TMEM94: variants seen among roughly 807,000 people sequenced by gnomAD.
The protein encoded by TMEM94 is ER Mg2+ ATPase.
TMEM94 carries 81 observed loss-of-function variants against 158.6 expected under a neutral mutation model. The observed-to-expected ratio is 0.51, with a 90% CI of 0.43 to 0.61. The LOEUF (loss-of-function observed/expected upper bound fraction) is 0.61, where lower values mean the gene tolerates loss of function less well. TMEM94 is among the 20% of genes least tolerant of loss of function. The probability of loss-of-function intolerance (pLI) is 0.00; values close to 1 mark genes in which losing one functional copy is unlikely to be tolerated. For missense variants in TMEM94, 1,435 were observed against 1,762.0 expected (o/e 0.81, Z 3.32); for synonymous variants, 751 against 730.7 (o/e 1.03, Z -0.45).
intron 2 of TMEM94, among the ~76,000 whole-genome samples, chr17:75,481,237 G>A (rs2051135031): frequency 6.6e-6 from 1 of 152,262 alleles, no homozygotes; most frequent in Non-Finnish European, 1.5e-5. Context: ...GCCAAAGGGA[G>A]GTGGGTGCGT....
In TMEM94 at chr17:75,492,712, T is replaced by G; in HGVS notation, c.1835T>G (p.Ile612Ser). The G allele has an allele frequency of 6.2e-7, 1 of 1,612,908 alleles. No individual in the cohort carries two copies. Among genetic ancestry groups the G allele is most frequent in the Non-Finnish European group, 8.5e-7 (1 of 1,179,976 alleles). ...CGATTCTCCGACCACCTGTGCAACA[T>G]CGCCCTGCAAGAGAGCCACAGCGCC... ...LCRFSDHLCN[I>S]ALQESHSAVL... The change falls in exon 15 of 32, where the codon ATC (isoleucine) becomes AGC (serine). Residue 612 changes from isoleucine (I) to serine (S), a missense_variant. By Grantham distance (142) the Ile-to-Ser change is moderately radical. Coordinates refer to ENST00000314256, the MANE Select transcript of TMEM94 (RefSeq NM_014738.6). The surrounding 1 kb of genome is among the most constrained non-coding windows in gnomAD (Gnocchi z 4.4).
In TMEM94 at chr17:75,491,003, G is replaced by C; in HGVS notation, c.1129-46G>C. 2 of 1,460,592 alleles carry C rather than the reference G, an allele frequency of 1.4e-6. No individual in the cohort carries two copies. The highest frequency in any genetic ancestry group is 2.5e-5 in the South Asian group (2 of 80,196). The allele number at this position is 1,460,592 out of a possible 1,614,324, so 90.5% of individuals were successfully genotyped here. On this transcript the variant is annotated intron_variant, in intron 11 of 31. Coordinates refer to ENST00000314256, the MANE Select transcript of TMEM94 (RefSeq NM_014738.6). The surrounding 1 kb of genome is among the most constrained non-coding windows in gnomAD (Gnocchi z 5.1). ...CCCTAGAGGCCGTCTCCAGGGAAATGAGGCTGAGCCCTAAATGGCCTTGCA... is the reference window on the plus strand; with the variant it reads ...CCCTAGAGGCCGTCTCCAGGGAAATCAGGCTGAGCCCTAAATGGCCTTGCA...
chr17:75,478,064 G>C (rs1212977197), intron 2 of TMEM94, among the ~76,000 whole-genome samples: 1 of 106,718 alleles, frequency 9.4e-6, no homozygotes, highest in East Asian at 2.7e-4. Flanking sequence ...CGCCCAGGCT[G>C]GAGTGCAGTG....
At chr17:75,469,261 C>A (rs1320733330) in intron 1 of TMEM94, among the ~76,000 whole-genome samples, 2 of 152,120 alleles carry the variant, frequency 1.3e-5, no homozygotes, top group Non-Finnish European at 2.9e-5. Context: ...TGGACATCCA[C>A]CCTGCTGCTG....
chr17:75,496,890 C>CT, intron 25 of TMEM94, 83 bp downstream of exon 25: 3 of 1,449,984 alleles, frequency 2.1e-6, no homozygotes, highest in Non-Finnish European at 2.9e-6. Flanking sequence ...AGGAAGGAGG[C>CT]TGGGGTTAGC....
rs1271658529 is a variant in TMEM94 at position 75,498,771 on chromosome 17, G to A, written c.3827+49G>A. 16 of 1,532,588 alleles carry A rather than the reference G, an allele frequency of 1.0e-5. No homozygotes were observed. Among genetic ancestry groups the A allele is most frequent in the African/African-American group, 1.4e-5 (1 of 72,436 alleles). 94.9% of individuals were successfully genotyped at this position (1,532,588 alleles called of 1,614,324 possible). A position where few individuals can be genotyped will look rare whatever the true frequency, so the allele number is the denominator to read the frequency against. On this transcript the variant is annotated intron_variant, in intron 30 of 31. Transcript: ENST00000314256. The surrounding 1 kb of genome is among the most constrained non-coding windows in gnomAD (Gnocchi z 6.7). Reference sequence around the variant, plus strand: ...CGGAGTGTGGGCTGGGGAGGAGAGGGCCTTCTGCAGGGCTAGGATCGGAGG... The same window carrying A: ...CGGAGTGTGGGCTGGGGAGGAGAGGACCTTCTGCAGGGCTAGGATCGGAGG...
At chr17:75,496,920 C>A in intron 25 of TMEM94, 113 bp downstream of exon 25, 1 of 1,224,170 alleles carries the variant, frequency 8.2e-7, no homozygotes. Context: ...AAGGGGTCCC[C>A]CCAGAGCCTC....
At position 75,492,465 on chromosome 17, in the gene TMEM94, T is replaced by G; in HGVS notation, c.1597-9T>G. ...CCCGGGCTGAGGCTCTCCTCCACAT[T>G]TCCCCCAGACCCAGCCTGGGATGGA... On this transcript the variant is annotated splice_polypyrimidine_tract_variant and intron_variant, in intron 14 of 31. Coordinates refer to ENST00000314256, the MANE Select transcript of TMEM94 (RefSeq NM_014738.6). The surrounding 1 kb of genome is among the most constrained non-coding windows in gnomAD (Gnocchi z 4.4). 6.4e-7 allele frequency: 1 copy of G among 1,564,526 alleles called. No homozygotes were observed. The highest frequency in any genetic ancestry group is 8.7e-7 in the Non-Finnish European group (1 of 1,151,568).
At chr17:75,463,153 T>C (rs2050168028) in intron 1 of TMEM94, among the ~76,000 whole-genome samples, 1 of 23,098 alleles carries the variant, frequency 4.3e-5, no homozygotes, top group Admixed American at 2.5e-4. Context: ...TATATACACG[T>C]ATATATATGT....
intron 6 of TMEM94, among the ~76,000 whole-genome samples, 181 bp downstream of exon 6, chr17:75,488,315 C>T (rs771345150): frequency 2.0e-5 from 3 of 152,270 alleles, no homozygotes; most frequent in Middle Eastern, 3.4e-3. Context: ...CTCACCCTGT[C>T]GCCCAGGCTG....
Position 75,495,408 on chromosome 17 carries a change from G to A in TMEM94, c.2844+9G>A, listed in dbSNP as rs2052584096. ...TGGAGGACTCCAACCGGGTACGATG[G>A]CAGGATCTGTCTCACGTGTTCCTGT... On this transcript the variant is annotated intron_variant, in intron 21 of 31. Coordinates refer to ENST00000314256, the MANE Select transcript of TMEM94 (RefSeq NM_014738.6). This position sits in a 1 kb window ranked among gnomAD's most constrained non-coding sequence, Gnocchi z 5.6. 1.9e-6 allele frequency: 3 copies of A among 1,609,166 alleles called. No homozygotes were observed. The highest frequency in any genetic ancestry group is 3.3e-5 in the Admixed American group (2 of 59,942).
chr17:75,460,613 A>G (rs1465828830), intron 1 of TMEM94, among the ~76,000 whole-genome samples: 1 of 31,858 alleles, frequency 3.1e-5, no homozygotes, highest in Non-Finnish European at 5.8e-5. Context: ...TTCTGGGCTC[A>G]GGTGATCCTT....
chr17:75,482,367 A>G (rs1249494455), intron 2 of TMEM94, among the ~76,000 whole-genome samples: 1 of 151,630 alleles, frequency 6.6e-6, no homozygotes, highest in African/African-American at 2.4e-5. Context: ...AAAAAAAAGC[A>G]AAGAAAATTA....
In TMEM94 at chr17:75,492,470, C is replaced by G. The variant is rs1021321356; in HGVS notation, c.1597-4C>G. 8.3e-6 allele frequency: 13 copies of G among 1,569,952 alleles called. No homozygotes were observed. The highest frequency in any genetic ancestry group is 1.0e-5 in the Non-Finnish European group (12 of 1,154,344). Reference sequence around the variant, plus strand: ...GCTGAGGCTCTCCTCCACATTTCCCCCAGACCCAGCCTGGGATGGAGAGCG... The same window carrying G: ...GCTGAGGCTCTCCTCCACATTTCCCGCAGACCCAGCCTGGGATGGAGAGCG... On this transcript the variant is annotated splice_region_variant and splice_polypyrimidine_tract_variant and intron_variant, in intron 14 of 31. Transcript: ENST00000314256. The surrounding 1 kb of genome is among the most constrained non-coding windows in gnomAD (Gnocchi z 4.4).
intron 2 of TMEM94, chr17:75,476,602 T>C: frequency 8.5e-7 from 1 of 1,178,506 alleles, no homozygotes; most frequent in Non-Finnish European, 1.1e-6. Flanking sequence ...TCTCTCCTCT[T>C]CTCTCTCTCT....
chr17:75,499,442 C>A lies in TMEM94; in HGVS notation c.*108C>A. 1.8e-6 allele frequency: 2 copies of A among 1,096,156 alleles called. No homozygotes were observed. The highest frequency in any genetic ancestry group is 2.7e-6 in the Non-Finnish European group (2 of 742,366). The allele number at this position is 1,096,156 out of a possible 1,614,324, so 67.9% of individuals were successfully genotyped here. On this transcript the variant is annotated 3_prime_UTR_variant, in exon 32 of 32. Coordinates refer to ENST00000314256, the MANE Select transcript of TMEM94 (RefSeq NM_014738.6). ...GAATGTTTCCAGGTTTGCTCCTGCA[C>A]CCGTGGCACTGGAAACCCAGCTCCC...
chr17:75,493,768 C>T lies in TMEM94; in HGVS notation c.2259C>T (p.Pro753=), dbSNP rs1455578179. The change falls in exon 18 of 32, where the codon CCC becomes CCT. Residue 753 remains proline (P), a synonymous_variant. Coordinates refer to ENST00000314256, the MANE Select transcript of TMEM94 (RefSeq NM_014738.6). ...SGYCSAFAYK[P]MNCALSSQLN... The stretch of plus-strand genomic sequence containing the variant: ...ATTGCTCTGCCTTCGCCTACAAGCC[C>T]ATGAACTGCGCCCTGTCCTCTCAGC... The T allele has an allele frequency of 1.9e-6, 3 of 1,614,020 alleles. No individual in the cohort carries two copies. The highest frequency in any genetic ancestry group is 3.3e-5 in the Admixed American group (2 of 60,010).
At chr17:75,471,406 ACT>A (rs1401361061) in intron 1 of TMEM94, among the ~76,000 whole-genome samples, 2 of 151,970 alleles carry the variant, frequency 1.3e-5, no homozygotes, top group African/African-American at 4.8e-5. Context: ...GATGAGGCTG[ACT>A]CTGTCTGATG....
chr17:75,497,208 C>T lies in TMEM94; in HGVS notation c.3407+10C>T. ...GCTACCCTCTGCTCAGGTGAGATGC[C>T]ATGTATCTTCCCCACACCCCATGCC... On this transcript the variant is annotated intron_variant, in intron 26 of 31. Transcript: ENST00000314256. 1 of 1,607,294 alleles carries T rather than the reference C, an allele frequency of 6.2e-7. No homozygotes were observed. Among genetic ancestry groups the T allele is most frequent in the South Asian group, 1.1e-5 (1 of 90,964 alleles).
Sources: gnomAD v4.1 joint callset for allele counts (sites outside exome capture counted in the v4.1 genomes callset) on GRCh38, gnomAD v4.1.1 for gene constraint, Gnocchi (gnomAD v3.1) non-coding constraint, MANE v1.5 for transcripts, NCBI Gene and HGNC (gene_info 2026-07-23, HGNC 2026-07-21) for gene names.